Variants in SLC1A6 observed in about 807,000 individuals in gnomAD.
The protein encoded by SLC1A6 is excitatory amino acid transporter 4.
In SLC1A6, 15 loss-of-function variants were observed where a neutral mutation model predicts 42.1. The observed-to-expected ratio is 0.36, with a 90% CI of 0.24 to 0.55. The LOEUF (loss-of-function observed/expected upper bound fraction) is 0.55, where lower values mean the gene tolerates loss of function less well. Ranked by LOEUF, SLC1A6 falls within the 20% of genes least tolerant of loss-of-function variation. The pLI is 0.88. For synonymous variants in SLC1A6, 317 were observed against 319.7 expected, an observed-to-expected ratio of 0.99 and a Z score of 0.09; for missense variants, 542 against 772.5, an observed-to-expected ratio of 0.70 and a Z score of 3.54.
rs149710962 is a variant in SLC1A6 at position 14,954,582 on chromosome 19, T to C, written c.1170-253A>G. Among the ~76,000 whole-genome samples the C allele has an allele frequency of 4.8e-4, 72 of 149,402 alleles. 2 individuals are homozygous for C. The highest frequency in any genetic ancestry group is 1.8e-3 in the African/African-American group (71 of 40,392). Reference sequence around the variant, plus strand: ...TGGCCAGGTGAGGAAGAGCTGAGAATAGGGCGTGGCAAGGCAGGGCGGGGC... The same window carrying C: ...TGGCCAGGTGAGGAAGAGCTGAGAACAGGGCGTGGCAAGGCAGGGCGGGGC... On this transcript the variant is annotated intron_variant, in intron 7 of 9. Transcript: ENST00000594383.
intron 6 of SLC1A6, 78 bp from the exon 7 acceptor site, chr19:14,956,787 T>C: frequency 2.1e-6 from 2 of 950,134 alleles, no homozygotes; most frequent in Non-Finnish European, 3.3e-6. Flanking sequence ...TCCCCAAGGC[T>C]TTGCCCATAT....
chr19:15,007,215 A>G (rs4808825), intron 1 of SLC1A6, among the ~76,000 whole-genome samples: 59,763 of 152,078 alleles, frequency 0.39, 12,767 homozygotes, highest in East Asian at 0.55. Context: ...TGAAAAGGAC[A>G]GAAGCACTGA....
intron 1 of SLC1A6, among the ~76,000 whole-genome samples, chr19:14,999,437 T>C (rs1479771534): frequency 3.9e-5 from 6 of 152,222 alleles, no homozygotes; most frequent in Admixed American, 3.9e-4. Context: ...TTAACATGTA[T>C]TGACTGATGT....
At chr19:14,967,941 C>T (rs992742402) in intron 4 of SLC1A6, among the ~76,000 whole-genome samples, 3 of 152,088 alleles carry the variant, frequency 2.0e-5, no homozygotes, top group Non-Finnish European at 4.4e-5. Context: ...CCTGAAAAGA[C>T]CTTTTGATGT....
At chr19:14,988,847 A>C (rs980868716) in intron 1 of SLC1A6, among the ~76,000 whole-genome samples, 27 of 152,004 alleles carry the variant, frequency 1.8e-4, no homozygotes, top group African/African-American at 5.3e-4. Flanking sequence ...GCAAGATCCC[A>C]TCTCTACAAA....
chr19:14,953,145 A>T, intron 8 of SLC1A6, 83 bp from the exon 9 acceptor site: 1 of 1,071,566 alleles, frequency 9.3e-7, no homozygotes, highest in Non-Finnish European at 1.4e-6. Flanking sequence ...GAGAGAAGGG[A>T]AGAGATCAGC....
At chr19:14,984,960 C>G (rs1443899415) in intron 1 of SLC1A6, among the ~76,000 whole-genome samples, 1 of 152,102 alleles carries the variant, frequency 6.6e-6, no homozygotes, top group African/African-American at 2.4e-5. Flanking sequence ...CGGCTCACTG[C>G]AACCTCCACC....
rs932999327 is a variant in SLC1A6 at position 14,962,919 on chromosome 19, T to A, written c.592-574A>T. On this transcript the variant is annotated intron_variant, in intron 5 of 9. Transcript: ENST00000594383. Reference sequence around the variant, plus strand: ...TCCATCTCAAAAAAACAAAAAAAAATTGAACTACCATAGGACCAGCAATCC... The same window carrying A: ...TCCATCTCAAAAAAACAAAAAAAAAATGAACTACCATAGGACCAGCAATCC... Among the ~76,000 whole-genome samples the A allele has an allele frequency of 5.9e-5, 9 of 151,796 alleles. 1 individual carries two copies. Among genetic ancestry groups the A allele is most frequent in the African/African-American group, 9.7e-5 (4 of 41,322 alleles).
chr19:14,950,280 G>A lies in SLC1A6; in HGVS notation c.1610C>T (p.Pro537Leu). The change falls in exon 10 of 10, where the codon CCC becomes CTC. Residue 537 changes from proline to leucine, a missense_variant. By Grantham distance (98) the Pro-to-Leu change is moderately conservative (BLOSUM62 -3). Transcript: ENST00000594383. ...LELQEAELTL[P>L]SLGKPYKSLM... The stretch of plus-strand genomic sequence containing the variant: ...GGACTTGTAGGGTTTCCCCAGGCTG[G>A]GGAGGGTAAGCTCAGCTTCCTGAAG... 1 of 1,612,304 alleles carries A rather than the reference G, an allele frequency of 6.2e-7. No individual in the cohort carries two copies. The highest frequency in any genetic ancestry group is 1.1e-5 in the South Asian group (1 of 90,582).
intron 8 of SLC1A6, among the ~76,000 whole-genome samples, chr19:14,953,664 C>T (rs1186016097): frequency 1.3e-5 from 2 of 152,042 alleles, no homozygotes; most frequent in African/African-American, 4.8e-5. Context: ...TAGCAAGACC[C>T]GATATGCCAT....
At chr19:14,958,052 A>G (rs545212477) in intron 6 of SLC1A6, among the ~76,000 whole-genome samples, 1 of 152,166 alleles carries the variant, frequency 6.6e-6, no homozygotes, top group African/African-American at 2.4e-5. Context: ...CAATCGAGTG[A>G]GTTTCTGCCA....
Position 14,960,450 on chromosome 19 carries a change from T to C in SLC1A6, c.935+1552A>G, listed in dbSNP as rs2045499218. 4.6e-5 allele frequency among the ~76,000 whole-genome samples: 7 copies of C among 152,046 alleles called. No homozygotes were observed. The South Asian group carries it at 1.5e-3, about 32-fold the overall frequency. ...ATGCATGGAAGAATGAATAGATGAA[T>C]AAGAAAATGAATGAACCGATAGAAA... On this transcript the variant is annotated intron_variant, in intron 6 of 9. Transcript: ENST00000594383.
chr19:14,980,848 A>G (rs546706107), upstream of SLC1A6, among the ~76,000 whole-genome samples: 3 of 152,242 alleles, frequency 2.0e-5, no homozygotes, highest in Non-Finnish European at 4.4e-5. Context: ...GAAAGGTTCA[A>G]TAACTTGTCC....
rs1300426843 is a variant in SLC1A6, at chr19:14,956,464, G to A, written c.1169+12C>T. 6.5e-7 allele frequency: 1 copy of A among 1,535,368 alleles called. No homozygotes were observed. Among genetic ancestry groups the A allele is most frequent in the South Asian group, 1.2e-5 (1 of 80,074 alleles). On this transcript the variant is annotated intron_variant, in intron 7 of 9. Coordinates refer to ENST00000594383, the MANE Select transcript of SLC1A6 (RefSeq NM_005071.3). ...ACCAGGAATGGTGCTGGGGTGGGGA[G>A]CAAGGCCATACCTGGAAGACGTGCC...
intron 1 of SLC1A6, among the ~76,000 whole-genome samples, chr19:15,006,462 C>T (rs191261495): frequency 7.9e-5 from 12 of 152,284 alleles, no homozygotes; most frequent in Admixed American, 2.6e-4. Flanking sequence ...GGCCCCATTT[C>T]TTGCTAGTGG....
intron 1 of SLC1A6, among the ~76,000 whole-genome samples, chr19:15,002,420 G>A (rs2045876274): frequency 2.0e-5 from 3 of 152,186 alleles, no homozygotes; most frequent in African/African-American, 7.2e-5. Flanking sequence ...ATAGGCATGA[G>A]CCACCATGCC....
intron 4 of SLC1A6, among the ~76,000 whole-genome samples, chr19:14,968,019 G>A (rs1054107333): frequency 7.2e-5 from 11 of 152,150 alleles, no homozygotes; most frequent in African/African-American, 2.7e-4. Flanking sequence ...AGTGGACATG[G>A]GGTCATATGT....
chr19:15,007,124 A>G (rs1316402853), intron 1 of SLC1A6, among the ~76,000 whole-genome samples: 1 of 152,208 alleles, frequency 6.6e-6, no homozygotes, highest in Non-Finnish European at 1.5e-5. Flanking sequence ...GAAGCTCACA[A>G]GTGAAAAACA....
chr19:14,954,405 T>TGGGGC (rs2045442330), intron 7 of SLC1A6, 76 bp from the exon 8 acceptor site: 1 of 1,347,380 alleles, frequency 7.4e-7, no homozygotes, highest in South Asian at 1.2e-5. Flanking sequence ...TGTGGCCTAG[T>TGGGGC]GGGGCAGGGC....
Sources: gnomAD v4.1 joint callset for allele counts (sites outside exome capture counted in the v4.1 genomes callset) on GRCh38, gnomAD v4.1.1 for gene constraint, MANE v1.5 for transcripts, NCBI Gene and HGNC (gene_info 2026-07-23, HGNC 2026-07-21) for gene names.